The following BMERB1 variants were observed in gnomAD, a reference collection of about 807,000 sequenced individuals.
The protein encoded by BMERB1 is bMERB domain containing 1.
A neutral mutation model predicts 23.6 loss-of-function variants in BMERB1; 12 were observed. The ratio of observed to expected loss-of-function variants is 0.51; its 90% CI spans 0.33 to 0.82. The LOEUF (loss-of-function observed/expected upper bound fraction) is 0.82. Ranked by LOEUF, BMERB1 falls within the 40% of genes least tolerant of loss-of-function variation. The pLI is 0.03. For synonymous variants in BMERB1, 122 were observed against 96.6 expected (o/e 1.26, Z -1.54); for missense variants, 247 against 255.4 (o/e 0.97, Z 0.22).
intron 3 of BMERB1, among the ~76,000 whole-genome samples, chr16:15,573,560 T>C (rs1362990947): frequency 6.6e-6 from 1 of 152,072 alleles, no homozygotes; most frequent in Non-Finnish European, 1.5e-5. Context: ...TGAGCCACTT[T>C]ATCTGGGTGG....
chr16:15,541,659 T>C (rs1484907600), intron 2 of BMERB1, among the ~76,000 whole-genome samples: 1 of 148,614 alleles, frequency 6.7e-6, no homozygotes. Context: ...TGGAGTGCAG[T>C]GGCGCGATCT....
intron 1 of BMERB1, among the ~76,000 whole-genome samples, chr16:15,486,644 C>A (rs1046712295): frequency 6.6e-6 from 1 of 151,856 alleles, no homozygotes; most frequent in Non-Finnish European, 1.5e-5. Flanking sequence ...AGAAATACTT[C>A]TGAGGGAAAA....
At chr16:15,560,474 A>G (rs9923708) in intron 2 of BMERB1, among the ~76,000 whole-genome samples, 11,528 of 152,242 alleles carry the variant, frequency 0.076, 1,305 homozygotes, top group African/African-American at 0.24. Context: ...GATCCATTCT[A>G]TAATCAGATA....
At chr16:15,541,676 A>G (rs1380049182) in intron 2 of BMERB1, among the ~76,000 whole-genome samples, 1 of 142,006 alleles carries the variant, frequency 7.0e-6, no homozygotes, top group Non-Finnish European at 1.5e-5. Flanking sequence ...ATCTTGGCTC[A>G]CTGCAAGCTC....
chr16:15,555,758 G>A (rs895144893), intron 2 of BMERB1, among the ~76,000 whole-genome samples: 1 of 152,238 alleles, frequency 6.6e-6, no homozygotes, highest in Non-Finnish European at 1.5e-5. Flanking sequence ...GCTGAGGCCA[G>A]GGGCTCCCTG....
intron 1 of BMERB1, among the ~76,000 whole-genome samples, chr16:15,474,110 ACT>A (rs756566595): frequency 1.6e-4 from 21 of 133,696 alleles, no homozygotes; most frequent in Middle Eastern, 3.8e-3. Flanking sequence ...ACAGAGTGAG[ACT>A]CTGTCTCAAA....
At chr16:15,447,723 G>A (rs2051001929) in intron 1 of BMERB1, among the ~76,000 whole-genome samples, 8 of 152,076 alleles carry the variant, frequency 5.3e-5, no homozygotes, top group Middle Eastern at 3.2e-3. Context: ...TGGAGGTGAC[G>A]ATGAGCGTGG....
intron 1 of BMERB1, among the ~76,000 whole-genome samples, chr16:15,498,370 C>T (rs1408263748): frequency 6.6e-6 from 1 of 151,886 alleles, no homozygotes; most frequent in African/African-American, 2.4e-5. Context: ...TCCGTCTCTA[C>T]AAAATTAAAA....
intron 1 of BMERB1, among the ~76,000 whole-genome samples, chr16:15,436,690 C>T (rs888186382): frequency 2.0e-5 from 3 of 152,072 alleles, no homozygotes; most frequent in Admixed American, 1.3e-4. Context: ...GTCCCCCCAT[C>T]CCAATACCCT....
chr16:15,524,039 C>G (rs982518308), intron 2 of BMERB1, among the ~76,000 whole-genome samples: 15 of 151,990 alleles, frequency 9.9e-5, no homozygotes, highest in African/African-American at 3.1e-4. Context: ...GCATTTTTTC[C>G]CCTTTAATGA....
chr16:15,530,237 C>G (rs1241345095), intron 2 of BMERB1, among the ~76,000 whole-genome samples: 1 of 152,116 alleles, frequency 6.6e-6, no homozygotes, highest in Non-Finnish European at 1.5e-5. Flanking sequence ...TATTTATATG[C>G]TACTTCTCAA....
intron 1 of BMERB1, among the ~76,000 whole-genome samples, chr16:15,491,609 AC>A (rs1377525736): frequency 6.6e-6 from 1 of 151,764 alleles, no homozygotes; most frequent in African/African-American, 2.4e-5. Context: ...ATCTTGGAAC[AC>A]CCCTTCCCTT....
intron 1 of BMERB1, among the ~76,000 whole-genome samples, chr16:15,468,230 T>G (rs970669957): frequency 7.1e-6 from 1 of 140,642 alleles, no homozygotes; most frequent in Non-Finnish European, 1.5e-5. Context: ...ACTACAAACT[T>G]TGTCTCCAGG....
At chr16:15,510,588 C>T (rs932612378) in intron 1 of BMERB1, among the ~76,000 whole-genome samples, 1 of 152,090 alleles carries the variant, frequency 6.6e-6, no homozygotes, top group Non-Finnish European at 1.5e-5. Flanking sequence ...AACCAACTCC[C>T]CAAGGCCACA....
chr16:15,438,878 TTTA>T (rs2150919964), intron 1 of BMERB1, among the ~76,000 whole-genome samples: 1 of 152,346 alleles, frequency 6.6e-6, no homozygotes, highest in African/African-American at 2.4e-5. Context: ...CCTCCATTTA[TTTA>T]TTAAGTGTGA....
At chr16:15,483,469 T>C (rs1036383348) in intron 1 of BMERB1, among the ~76,000 whole-genome samples, 1 of 152,180 alleles carries the variant, frequency 6.6e-6, no homozygotes, top group Non-Finnish European at 1.5e-5. Context: ...AACCTCTGCC[T>C]CCTGGGTTCA....
chr16:15,551,107 C>T (rs781540815), intron 2 of BMERB1, among the ~76,000 whole-genome samples: 45 of 152,236 alleles, frequency 3.0e-4, no homozygotes, highest in South Asian at 6.2e-4. Context: ...AGCAGTATCA[C>T]TCGAATGACG....
At chr16:15,575,491 G>C (rs1032911695) in intron 3 of BMERB1, among the ~76,000 whole-genome samples, 5 of 152,054 alleles carry the variant, frequency 3.3e-5, no homozygotes. Flanking sequence ...TTGGGGTGGG[G>C]GTCTCCCACA....
intron 2 of BMERB1, among the ~76,000 whole-genome samples, chr16:15,520,642 CCTGG>C (rs1246467697): frequency 2.6e-5 from 4 of 152,006 alleles, no homozygotes; most frequent in Non-Finnish European, 5.9e-5. Context: ...CGCCACCACG[CCTGG>C]CTAACTTTTT....
Sources: allele counts gnomAD v4.1 joint callset (sites outside exome capture counted in the v4.1 genomes callset), GRCh38; gene constraint gnomAD v4.1.1; transcripts MANE v1.5; gene names NCBI Gene and HGNC (gene_info 2026-07-23, HGNC 2026-07-21).